Variants in COL4A2 observed in about 807,000 individuals in gnomAD.
COL4A2 encodes collagen alpha-2(IV) chain.
COL4A2 carries 99 observed loss-of-function variants against 200.2 expected under a neutral mutation model. That is an observed-to-expected ratio of 0.49 (90% CI 0.42 to 0.58). COL4A2 has a LOEUF of 0.58. Ranked by LOEUF, COL4A2 falls within the 20% of genes least tolerant of loss-of-function variation. The probability of loss-of-function intolerance (pLI) is 0.00; values close to 1 mark genes in which losing one functional copy is unlikely to be tolerated. For synonymous variants in COL4A2, 897 were observed against 900.6 expected (o/e 1.00, Z 0.07); for missense variants, 1,950 against 2,314.1 (o/e 0.84, Z 3.23).
intron 27 of COL4A2, among the ~76,000 whole-genome samples, chr13:110,467,708 C>G (rs1237332104): frequency 6.6e-6 from 1 of 152,242 alleles, no homozygotes; most frequent in East Asian, 1.9e-4. Context: ...CGCTGCGATT[C>G]TGCTGCCCTG....
intron 4 of COL4A2, among the ~76,000 whole-genome samples, chr13:110,403,117 G>C (rs145804113): frequency 6.6e-6 from 1 of 152,114 alleles, no homozygotes; most frequent in Non-Finnish European, 1.5e-5. Flanking sequence ...GTCTTGATTA[G>C]CAGCATCTGG....
Position 110,508,870 on chromosome 13 carries a change from T to C in COL4A2, c.4881+649T>C, listed in dbSNP as rs1178535014. Reference sequence around the variant, plus strand: ...CTCCAGGGGAGAGACCACAGCACCATAGTGTCTCTTGCAATATTGCCTATT... The same window carrying C: ...CTCCAGGGGAGAGACCACAGCACCACAGTGTCTCTTGCAATATTGCCTATT... On this transcript the variant is annotated intron_variant, in intron 47 of 47. Coordinates refer to ENST00000360467, the MANE Select transcript of COL4A2 (RefSeq NM_001846.4). The surrounding 1 kb of genome is among the most constrained non-coding windows in gnomAD (Gnocchi z 6.1). 4.6e-5 allele frequency among the ~76,000 whole-genome samples: 7 copies of C among 152,076 alleles called. No homozygotes were observed. Among genetic ancestry groups the C allele is most frequent in the African/African-American group, 1.2e-4 (5 of 41,404 alleles).
At chr13:110,366,719 G>T (rs1167343735) in intron 4 of COL4A2, among the ~76,000 whole-genome samples, 2 of 152,178 alleles carry the variant, frequency 1.3e-5, no homozygotes, top group African/African-American at 4.8e-5. Flanking sequence ...AGAAGGACAT[G>T]GTTAGTGTCC....
chr13:110,351,219 T>TG (rs1555322827), intron 3 of COL4A2, among the ~76,000 whole-genome samples: 1 of 149,914 alleles, frequency 6.7e-6, no homozygotes, highest in South Asian at 2.1e-4. Context: ...CAGCTATTCT[T>TG]TTTGTTTGTT....
chr13:110,446,687 G>A, intron 17 of COL4A2, 111 bp from the exon 18 acceptor site: 1 of 859,560 alleles, frequency 1.2e-6, no homozygotes, highest in East Asian at 2.7e-5. Flanking sequence ...TGAAATAGCT[G>A]CTCTGCCAGC....
chr13:110,326,137 C>T (rs1306888658), intron 3 of COL4A2, among the ~76,000 whole-genome samples: 7 of 152,160 alleles, frequency 4.6e-5, no homozygotes, highest in Non-Finnish European at 8.8e-5. Context: ...ACCTGCCCTT[C>T]GCCCAGGGGT....
intron 3 of COL4A2, among the ~76,000 whole-genome samples, chr13:110,322,013 T>C (rs75346017): frequency 0.095 from 14,397 of 152,178 alleles, 2,224 homozygotes; most frequent in African/African-American, 0.33. Context: ...CATGTTGTAG[T>C]GAGTGGCAGA....
At position 110,489,764 on chromosome 13, in the gene COL4A2, C is replaced by T. The variant is rs780685222; in HGVS notation, c.3325C>T (p.Arg1109Trp). The change falls in exon 36 of 48, where the codon CGG becomes TGG. Residue 1109 changes from arginine (R) to tryptophan (W), a missense_variant. By Grantham distance (101) the Arg-to-Trp change is moderately radical (BLOSUM62 -3). Coordinates refer to ENST00000360467, the MANE Select transcript of COL4A2 (RefSeq NM_001846.4). ...AGGAAGACCAGGCCTGAAGGGGGAG[C>T]GGGGCACCACTGGAATACCAGGTAC... is the stretch of plus-strand genomic sequence containing the variant. The part of the protein sequence containing the change: ...LPGRPGLKGE[R>W]GTTGIPGLKG... 17 of 1,612,088 alleles carry T rather than the reference C, an allele frequency of 1.1e-5. No individual in the cohort carries two copies. Among genetic ancestry groups the T allele is most frequent in the South Asian group, 5.5e-5 (5 of 90,474 alleles).
chr13:110,328,660 C>G (rs9521695), intron 3 of COL4A2: 54,457 of 152,028 alleles, frequency 0.36, 10,785 homozygotes, highest in Non-Finnish European at 0.44. Context: ...CTGAAGGGCT[C>G]GTTCTAGACC....
intron 3 of COL4A2, among the ~76,000 whole-genome samples, chr13:110,334,147 A>T (rs774421951): frequency 2.0e-5 from 3 of 152,236 alleles, no homozygotes; most frequent in Non-Finnish European, 4.4e-5. Context: ...TTTGATAAAA[A>T]ATGTACAATA....
At position 110,436,492 on chromosome 13, in the gene COL4A2, C is replaced by G. The variant is rs1008155265; in HGVS notation, c.825+125C>G. 2.3e-6 allele frequency: 3 copies of G among 1,291,242 alleles called. No individual in the cohort carries two copies. The Admixed American group carries it at 8.5e-5, about 36-fold the overall frequency. The allele number at this position is 1,291,242 out of a possible 1,614,324, so 80.0% of individuals were successfully genotyped here. On this transcript the variant is annotated intron_variant, in intron 13 of 47. Transcript: ENST00000360467. Reference sequence around the variant, plus strand: ...CCTCACCACCAACTTGGCACATTACCCATGAAAACATAACCGGGTCCTCCC... The same window carrying G: ...CCTCACCACCAACTTGGCACATTACGCATGAAAACATAACCGGGTCCTCCC...
intron 4 of COL4A2, among the ~76,000 whole-genome samples, chr13:110,388,940 G>A (rs546163961): frequency 1.4e-4 from 21 of 152,198 alleles, no homozygotes; most frequent in African/African-American, 4.1e-4. Flanking sequence ...CACTCCTCAC[G>A]GTCTGCCCTC....
At chr13:110,482,236 A>G (rs1882960011) in intron 31 of COL4A2, among the ~76,000 whole-genome samples, 1 of 152,214 alleles carries the variant, frequency 6.6e-6, no homozygotes, top group African/African-American at 2.4e-5. Context: ...AACCTGCATC[A>G]TCTTCAGATT....
chr13:110,457,736 A>T (rs1881829220), intron 21 of COL4A2: 1 of 545,304 alleles, frequency 1.8e-6, no homozygotes, highest in African/African-American at 1.9e-5. Context: ...TAAAAGGGAA[A>T]ACAGTTATTT....
Position 110,350,339 on chromosome 13 carries a change from G to T in COL4A2, c.100-7133G>T, listed in dbSNP as rs570324507. 3.4e-4 allele frequency among the ~76,000 whole-genome samples: 52 copies of T among 152,198 alleles called. No individual in the cohort carries two copies. In the South Asian group the frequency reaches 0.011, roughly 32 times the overall value. On this transcript the variant is annotated intron_variant, in intron 3 of 47. Transcript: ENST00000360467. Reference sequence around the variant, plus strand: ...ACAGCAATGCTGGCTACCAGTTTCAGAACAGGAAAAAGAAGAGCTCTAGAA... The same window carrying T: ...ACAGCAATGCTGGCTACCAGTTTCATAACAGGAAAAAGAAGAGCTCTAGAA...
intron 4 of COL4A2, among the ~76,000 whole-genome samples, chr13:110,413,738 C>T (rs918176599): frequency 8.5e-5 from 13 of 152,204 alleles, no homozygotes; most frequent in African/African-American, 2.7e-4. Context: ...AGACAGGTCT[C>T]TCAGAGGCCC....
intron 45 of COL4A2, among the ~76,000 whole-genome samples, chr13:110,505,815 G>C (rs955875061): frequency 9.9e-5 from 15 of 152,178 alleles, no homozygotes; most frequent in Admixed American, 9.8e-4. Context: ...ACTGCTGGGG[G>C]TGGGGGCTGG....
At chr13:110,368,990 C>T (rs980974324) in intron 4 of COL4A2, among the ~76,000 whole-genome samples, 3 of 152,090 alleles carry the variant, frequency 2.0e-5, no homozygotes, top group East Asian at 1.9e-4. Context: ...GGGCGGATCA[C>T]GAGGTCAAGA....
intron 36 of COL4A2, 102 bp downstream of exon 36, chr13:110,489,887 A>T: frequency 8.1e-7 from 1 of 1,242,154 alleles, no homozygotes; most frequent in Non-Finnish European, 1.1e-6. Flanking sequence ...ACAACCAGAA[A>T]GCACTTGATA....
Sources: gnomAD v4.1 joint callset for allele counts (sites outside exome capture counted in the v4.1 genomes callset) on GRCh38, gnomAD v4.1.1 for gene constraint, Gnocchi (gnomAD v3.1) non-coding constraint, MANE v1.5 for transcripts, NCBI Gene and HGNC (gene_info 2026-07-23, HGNC 2026-07-21) for gene names.